PALLD: variants seen among roughly 807,000 people sequenced by gnomAD.
PALLD encodes palladin.
Under a neutral mutation model 123.5 loss-of-function variants are expected in PALLD, and 61 were observed. The ratio of observed to expected loss-of-function variants is 0.49; its 90% CI spans 0.40 to 0.61. PALLD has a LOEUF of 0.61. Ranked by LOEUF, PALLD falls within the 20% of genes least tolerant of loss-of-function variation. The pLI, the probability that PALLD is intolerant of heterozygous loss-of-function variation, is 0.00. For synonymous variants in PALLD, 465 were observed against 496.4 expected (o/e 0.94, Z 0.84); for missense variants, 1,273 against 1,377.0 (o/e 0.92, Z 1.20).
intron 2 of PALLD, 45 bp downstream of exon 2, chr4:168,512,457 T>C: frequency 6.5e-7 from 1 of 1,528,784 alleles, no homozygotes; most frequent in Non-Finnish European, 9.0e-7. Flanking sequence ...TTGTTGACTT[T>C]GGTGTTACTT....
chr4:168,878,289 T>G, intron 10 of PALLD: 1 of 1,527,232 alleles, frequency 6.5e-7, no homozygotes. Context: ...GCCACCCGCT[T>G]CGGCCACAGC....
At chr4:168,626,087 C>T (rs1452077292) in intron 2 of PALLD, among the ~76,000 whole-genome samples, 1 of 150,712 alleles carries the variant, frequency 6.6e-6, no homozygotes, top group Non-Finnish European at 1.5e-5. Flanking sequence ...CATGGTAAAA[C>T]CTCGTCTCTA....
intron 10 of PALLD, among the ~76,000 whole-genome samples, chr4:168,797,046 G>A (rs534115692): frequency 6.6e-6 from 1 of 152,276 alleles, no homozygotes; most frequent in South Asian, 2.1e-4. Flanking sequence ...ACCAAATTGA[G>A]TTGTCTCTAC....
intron 14 of PALLD, among the ~76,000 whole-genome samples, chr4:168,901,483 TAACTC>T (rs1184181285): frequency 3.3e-5 from 5 of 152,278 alleles, no homozygotes; most frequent in Middle Eastern, 3.4e-3. Flanking sequence ...ATTAAAGAAA[TAACTC>T]AAGAACTGGC....
intron 10 of PALLD, among the ~76,000 whole-genome samples, chr4:168,740,745 A>C (rs1255829998): frequency 2.0e-5 from 3 of 152,218 alleles, no homozygotes; most frequent in Non-Finnish European, 2.9e-5. Flanking sequence ...CAAGATTACC[A>C]CAACTGTACT....
intron 2 of PALLD, among the ~76,000 whole-genome samples, chr4:168,574,617 G>A (rs959365576): frequency 3.9e-4 from 59 of 152,094 alleles, no homozygotes; most frequent in Non-Finnish European, 5.3e-4. Context: ...CGTCTAACCT[G>A]TGGTAGATGC....
chr4:168,539,973 C>G (rs994440013), intron 2 of PALLD, among the ~76,000 whole-genome samples: 10 of 152,020 alleles, frequency 6.6e-5, no homozygotes, highest in Non-Finnish European at 1.3e-4. Context: ...CCCTCCCTCC[C>G]CCTTCTAGTA....
chr4:168,661,472 T>A (rs919150651), intron 2 of PALLD, among the ~76,000 whole-genome samples: 13 of 152,250 alleles, frequency 8.5e-5, no homozygotes, highest in African/African-American at 3.1e-4. Flanking sequence ...TCTAATCCTT[T>A]TACATTTTAT....
rs1553981987 is a variant in PALLD at position 168,918,339 on chromosome 4, T to TAC, written c.2850+2314_2850+2315dup. 7.9e-3 allele frequency among the ~76,000 whole-genome samples: 1,161 copies of TAC among 147,228 alleles called. 16 individuals are homozygous for TAC. Among genetic ancestry groups the TAC allele is most frequent in the African/African-American group, 0.027 (1,083 of 39,672 alleles). ...AGAAAATATGAGATATATATATATATACATACATACACACACAGTGGAAAA... is the reference window on the plus strand; with the variant it reads ...AGAAAATATGAGATATATATATATATACACATACATACACACACAGTGGAAAA... On this transcript the variant is annotated intron_variant, in intron 17 of 21. Coordinates refer to ENST00000505667, the MANE Select transcript of PALLD (RefSeq NM_001166108.2).
intron 10 of PALLD, among the ~76,000 whole-genome samples, chr4:168,849,053 G>A (rs1219902934): frequency 2.6e-5 from 4 of 152,164 alleles, no homozygotes; most frequent in Non-Finnish European, 5.9e-5. Context: ...AGGATATACT[G>A]CTTCAGTCCT....
intron 2 of PALLD, among the ~76,000 whole-genome samples, chr4:168,641,609 G>A (rs1242093528): frequency 6.6e-6 from 1 of 152,090 alleles, no homozygotes; most frequent in Admixed American, 6.5e-5. Flanking sequence ...ACTCTGCTTT[G>A]ATCCCACTCA....
At chr4:168,633,757 A>G (rs1332474007) in intron 2 of PALLD, among the ~76,000 whole-genome samples, 1 of 152,134 alleles carries the variant, frequency 6.6e-6, no homozygotes, top group Non-Finnish European at 1.5e-5. Flanking sequence ...ACTCCCACTT[A>G]AGCAATTATT....
intron 10 of PALLD, among the ~76,000 whole-genome samples, chr4:168,855,243 A>C (rs1398820867): frequency 6.6e-6 from 1 of 152,088 alleles, no homozygotes; most frequent in Non-Finnish European, 1.5e-5. Flanking sequence ...GGCACATGCC[A>C]TCACGCCCAG....
At chr4:168,745,428 G>C (rs1026339408) in intron 10 of PALLD, among the ~76,000 whole-genome samples, 32 of 36,768 alleles carry the variant, frequency 8.7e-4, no homozygotes, top group Non-Finnish European at 9.2e-4. Context: ...TGAGATGGGA[G>C]GGGGGGGCAA....
chr4:168,920,373 G>A (rs1474649885), intron 17 of PALLD, among the ~76,000 whole-genome samples: 3 of 152,210 alleles, frequency 2.0e-5, no homozygotes, highest in Non-Finnish European at 2.9e-5. Context: ...GGTAATATCA[G>A]TTGAGTATCA....
intron 3 of PALLD, among the ~76,000 whole-genome samples, chr4:168,675,067 A>G (rs780923941): frequency 2.9e-4 from 44 of 152,238 alleles, no homozygotes; most frequent in Non-Finnish European, 4.4e-4. Context: ...GTAAACATGT[A>G]AAATAAATAC....
intron 2 of PALLD, among the ~76,000 whole-genome samples, chr4:168,591,600 G>A (rs776186025): frequency 2.0e-5 from 3 of 152,010 alleles, no homozygotes; most frequent in South Asian, 2.1e-4. Flanking sequence ...CCAACCCTGC[G>A]TATAATCTCA....
chr4:168,713,942 GTTTTTTTTTTTTT>G (rs34942776), intron 10 of PALLD, among the ~76,000 whole-genome samples: 2 of 54,700 alleles, frequency 3.7e-5, no homozygotes, highest in East Asian at 1.3e-3. Flanking sequence ...TTTTCCCATT[GTTTTTTTTTTTTT>G]TTTTTTTTTT....
chr4:168,914,174 A>T, intron 16 of PALLD, 153 bp downstream of exon 16: 1 of 652,876 alleles, frequency 1.5e-6, no homozygotes. Context: ...CTTGATTATT[A>T]TGCTCCCTTG....
Sources: gnomAD v4.1 joint callset for allele counts (sites outside exome capture counted in the v4.1 genomes callset) on GRCh38, gnomAD v4.1.1 for gene constraint, MANE v1.5 for transcripts, NCBI Gene and HGNC (gene_info 2026-07-23, HGNC 2026-07-21) for gene names.